The following ZNF148 variants were observed in gnomAD, a reference collection of about 807,000 sequenced individuals.
ZNF148 encodes the protein Beta-Enolase Repressor Factor-1.
ZNF148 carries 7 observed loss-of-function variants against 67.7 expected under a neutral mutation model. That is an observed-to-expected ratio of 0.10 (90% CI 0.06 to 0.19). The LOEUF (loss-of-function observed/expected upper bound fraction) is 0.19, where lower values mean the gene tolerates loss of function less well. Among genes scored for constraint, ZNF148 ranks in the 10% least tolerant of loss-of-function variants. The pLI is 1.00. For synonymous variants in ZNF148, 333 were observed against 330.7 expected (o/e 1.01, Z -0.08); for missense variants, 583 against 947.1 (o/e 0.62, Z 5.05).
At chr3:125,333,752 A>G (rs1242000685) in intron 1 of ZNF148, among the ~76,000 whole-genome samples, 1 of 152,226 alleles carries the variant, frequency 6.6e-6, no homozygotes, top group Non-Finnish European at 1.5e-5. Flanking sequence ...GGCAGATATA[A>G]ACAGATTAAG....
intron 7 of ZNF148, among the ~76,000 whole-genome samples, chr3:125,266,118 C>T (rs1452394306): frequency 3.9e-5 from 6 of 152,042 alleles, no homozygotes; most frequent in Admixed American, 6.5e-5. Flanking sequence ...CATACAATAA[C>T]GGGAGACTTC....
intron 1 of ZNF148, 143 bp downstream of exon 1, chr3:125,374,959 T>A (rs1186190583): frequency 6.7e-6 from 1 of 148,656 alleles, no homozygotes; most frequent in East Asian, 2.1e-4. Context: ...CGGCCTCGGC[T>A]GGCCCCCTGG....
rs550956171 is a variant in ZNF148 at position 125,258,350 on chromosome 3, G to A, written c.667+19376C>T. ...TGAGGCAGGAGAATGGCGTGAACCC[G>A]GGAGGCAGAGCTTGCAGTGAGCCGA... is the stretch of plus-strand genomic sequence containing the variant. On this transcript the variant is annotated intron_variant, in intron 7 of 8. Transcript: ENST00000360647. 4.7e-5 allele frequency among the ~76,000 whole-genome samples: 7 copies of A among 147,712 alleles called. No homozygotes were observed. In the East Asian group the frequency reaches 7.9e-4, roughly 17 times the overall value.
chr3:125,346,005 A>T (rs1941928050), intron 1 of ZNF148, among the ~76,000 whole-genome samples: 1 of 152,210 alleles, frequency 6.6e-6, no homozygotes, highest in African/African-American at 2.4e-5. Flanking sequence ...ACTGTTACCA[A>T]CACAAGACAA....
At chr3:125,298,372 C>CACACACACACACAT (rs1050902396) in intron 4 of ZNF148, among the ~76,000 whole-genome samples, 1 of 151,856 alleles carries the variant, frequency 6.6e-6, no homozygotes, top group African/African-American at 2.4e-5. Flanking sequence ...CACACACACA[C>CACACACACACACAT]ATGCTCCTTT....
rs1227576983 is a variant in ZNF148 at position 125,226,668 on chromosome 3, A to G, written c.*5673T>C. 3.3e-5 allele frequency: 5 copies of G among 152,748 alleles called. No individual in the cohort carries two copies. In the South Asian group the frequency reaches 1.0e-3, roughly 32 times the overall value. The allele number at this position is 152,748 out of a possible 1,614,324, so 9.5% of individuals were successfully genotyped here. ...ATTATAAAGGCTCAGCAATTCATTCATGGCATAATATAGGGTCAAGCAAGA... is the reference window on the plus strand; with the variant it reads ...ATTATAAAGGCTCAGCAATTCATTCGTGGCATAATATAGGGTCAAGCAAGA... On this transcript the variant is annotated 3_prime_UTR_variant, in exon 9 of 9. Coordinates refer to ENST00000360647, the MANE Select transcript of ZNF148 (RefSeq NM_021964.3).
chr3:125,274,898 C>A (rs1338665442), intron 7 of ZNF148, among the ~76,000 whole-genome samples: 1 of 152,110 alleles, frequency 6.6e-6, no homozygotes, highest in Non-Finnish European at 1.5e-5. Context: ...TATTTAAATG[C>A]ATTCTTCTAA....
chr3:125,334,216 C>T (rs549093431), intron 1 of ZNF148, among the ~76,000 whole-genome samples: 5 of 152,220 alleles, frequency 3.3e-5, no homozygotes, highest in Admixed American at 2.0e-4. Context: ...AGCAGGTGGT[C>T]CAATTTATTA....
At chr3:125,268,614 C>A (rs1937593666) in intron 7 of ZNF148, among the ~76,000 whole-genome samples, 1 of 152,074 alleles carries the variant, frequency 6.6e-6, no homozygotes, top group Non-Finnish European at 1.5e-5. Context: ...TGGAAGAAAA[C>A]CTAGGAAATA....
intron 2 of ZNF148, among the ~76,000 whole-genome samples, chr3:125,327,895 A>T (rs1415189947): frequency 6.6e-6 from 1 of 152,188 alleles, no homozygotes; most frequent in Non-Finnish European, 1.5e-5. Context: ...ATATTTGAAG[A>T]AGAGTCTCAT....
intron 7 of ZNF148, among the ~76,000 whole-genome samples, chr3:125,268,281 A>C (rs531524702): frequency 6.6e-6 from 1 of 151,026 alleles, no homozygotes; most frequent in African/African-American, 2.4e-5. Flanking sequence ...AATCCTAGCC[A>C]AAAAAGAACA....
chr3:125,347,382 G>C (rs4303833), intron 1 of ZNF148, among the ~76,000 whole-genome samples: 1 of 152,022 alleles, frequency 6.6e-6, no homozygotes, highest in Non-Finnish European at 1.5e-5. Flanking sequence ...AATCCAAAAC[G>C]ATCTTGAAAG....
At chr3:125,297,533 A>C (rs1343506103) in intron 4 of ZNF148, among the ~76,000 whole-genome samples, 1 of 149,604 alleles carries the variant, frequency 6.7e-6, no homozygotes, top group Non-Finnish European at 1.5e-5. Context: ...CAACCAGTGG[A>C]TAAAGAACTA....
At chr3:125,285,856 AAT>A (rs2107620245) in intron 5 of ZNF148, among the ~76,000 whole-genome samples, 1 of 152,342 alleles carries the variant, frequency 6.6e-6, no homozygotes, top group East Asian at 1.9e-4. Flanking sequence ...TAAATACTTA[AAT>A]AATACCTTTA....
At chr3:125,258,974 AT>A (rs1194742754) in intron 7 of ZNF148, among the ~76,000 whole-genome samples, 1 of 152,170 alleles carries the variant, frequency 6.6e-6, no homozygotes, top group Non-Finnish European at 1.5e-5. Flanking sequence ...TTTACTTTTT[AT>A]TTTATATTAC....
At chr3:125,241,713 A>G (rs73193472) in intron 7 of ZNF148, among the ~76,000 whole-genome samples, 1 of 152,136 alleles carries the variant, frequency 6.6e-6, no homozygotes, top group Admixed American at 6.5e-5. Context: ...TTTGTACTGG[A>G]TAACTTGTAA....
At chr3:125,294,643 G>GA (rs1939191936) in intron 4 of ZNF148, among the ~76,000 whole-genome samples, 1 of 152,100 alleles carries the variant, frequency 6.6e-6, no homozygotes, top group African/African-American at 2.4e-5. Context: ...CCTAAGTGCT[G>GA]AAGATATTAA....
chr3:125,279,265 AG>A lies in ZNF148; in HGVS notation c.460-19del. 6.6e-7 allele frequency: 1 copy of A among 1,511,324 alleles called. No homozygotes were observed. 93.6% of individuals were successfully genotyped at this position (1,511,324 alleles called of 1,614,324 possible). A position where few individuals can be genotyped will look rare whatever the true frequency, so the allele number is the denominator to read the frequency against. ...GTAAGGATCTAGTTCAAAAAAAAAA[AG>A]GCAAAAACAAAAGAAATAAGTTTTT... is the stretch of plus-strand genomic sequence containing the variant. On this transcript the variant is annotated intron_variant, in intron 5 of 8. Transcript: ENST00000360647.
At chr3:125,275,328 T>C (rs1167242301) in intron 7 of ZNF148, among the ~76,000 whole-genome samples, 2 of 152,216 alleles carry the variant, frequency 1.3e-5, no homozygotes, top group East Asian at 3.8e-4. Context: ...CCTTTGCTTC[T>C]ACCACTTTTA....
Sources: gnomAD v4.1 joint callset for allele counts (sites outside exome capture counted in the v4.1 genomes callset) on GRCh38, gnomAD v4.1.1 for gene constraint, MANE v1.5 for transcripts, NCBI Gene and HGNC (gene_info 2026-07-23, HGNC 2026-07-21) for gene names.